Variants in ADAMTSL1 observed in about 807,000 individuals in gnomAD.
The protein encoded by ADAMTSL1 is ADAMTS like 1, also known as ADAMTS-like protein 1.
In ADAMTSL1, 126 loss-of-function variants were observed where a neutral mutation model predicts 201.8. The observed-to-expected ratio is 0.62, with a 90% CI of 0.54 to 0.72. The LOEUF (loss-of-function observed/expected upper bound fraction) is 0.72, where lower values mean the gene tolerates loss of function less well. ADAMTSL1 is among the 30% of genes least tolerant of loss of function. ADAMTSL1 has a pLI of 0.00. For synonymous variants in ADAMTSL1, 1,121 were observed against 903.4 expected, an observed-to-expected ratio of 1.24 and a Z score of -4.32; for missense variants, 2,679 against 2,277.8, an observed-to-expected ratio of 1.18 and a Z score of -3.59.
rs59150507 is a variant in ADAMTSL1, at chr9:18,876,301, CGT to C, written c.4250-11502_4250-11501del. 4.1e-3 allele frequency among the ~76,000 whole-genome samples: 568 copies of C among 139,580 alleles called. 3 individuals are homozygous for C. The highest frequency in any genetic ancestry group is 0.011 in the African/African-American group (405 of 36,572). 91.6% of individuals were successfully genotyped at this position (139,580 alleles called of 152,430 possible). On this transcript the variant is annotated intron_variant, in intron 23 of 28. Transcript: ENST00000380548. The stretch of plus-strand genomic sequence containing the variant: ...TATTGTGCTAGTTGTTGCCTGAATA[CGT>C]GTGTGTGTGTGTGTGTGTGTGTGTG...
intron 1 of ADAMTSL1, among the ~76,000 whole-genome samples, chr9:17,960,021 G>A (rs10963361): frequency 0.029 from 4,434 of 152,208 alleles, 83 homozygotes; most frequent in Non-Finnish European, 0.049. Context: ...TGACTTAAAC[G>A]TTATATAAAC....
Position 18,889,762 on chromosome 9 carries a change from A to T in ADAMTSL1, c.4643+14A>T. 6.8e-7 allele frequency: 1 copy of T among 1,460,420 alleles called. No individual in the cohort carries two copies. The highest frequency in any genetic ancestry group is 9.0e-7 in the Non-Finnish European group (1 of 1,108,212). 90.5% of individuals were successfully genotyped at this position (1,460,420 alleles called of 1,614,324 possible). ...CTGCCCTTCTCGGTGAGTGCAGCGG[A>T]CACTGGCTCAGACCTCCCCACCCTA... On this transcript the variant is annotated intron_variant, in intron 25 of 28. Transcript: ENST00000380548.
At chr9:18,726,560 C>A (rs904141762) in intron 15 of ADAMTSL1, among the ~76,000 whole-genome samples, 1 of 151,134 alleles carries the variant, frequency 6.6e-6, no homozygotes, top group Non-Finnish European at 1.5e-5. Flanking sequence ...TTTACAATAG[C>A]AATGACATGA....
intron 4 of ADAMTSL1, among the ~76,000 whole-genome samples, chr9:18,577,587 T>C (rs939552885): frequency 6.6e-6 from 1 of 152,184 alleles, no homozygotes; most frequent in Admixed American, 6.5e-5. Context: ...TTTTTCAATC[T>C]GTGGAAAATG....
intron 2 of ADAMTSL1, among the ~76,000 whole-genome samples, chr9:18,247,319 G>T (rs964391048): frequency 6.6e-6 from 1 of 152,086 alleles, no homozygotes; most frequent in East Asian, 1.9e-4. Context: ...AGATATAGTA[G>T]ATATCATAAT....
chr9:18,782,023 G>A (rs17232419), intron 19 of ADAMTSL1, among the ~76,000 whole-genome samples: 20,815 of 152,124 alleles, frequency 0.14, 1,559 homozygotes, highest in Middle Eastern at 0.25. Flanking sequence ...TCAAGCAGTC[G>A]TTTACAGGGT....
chr9:18,513,370 C>G (rs566765937), intron 2 of ADAMTSL1, among the ~76,000 whole-genome samples: 74 of 152,296 alleles, frequency 4.9e-4, no homozygotes, highest in African/African-American at 1.7e-3. Flanking sequence ...CTTGATTAGT[C>G]TAGATACCTT....
chr9:18,490,759 A>C (rs1348220925), intron 1 of ADAMTSL1, among the ~76,000 whole-genome samples: 1 of 152,172 alleles, frequency 6.6e-6, no homozygotes, highest in Non-Finnish European at 1.5e-5. Context: ...TTCCGCAGCA[A>C]GATGTGAGGG....
intron 1 of ADAMTSL1, among the ~76,000 whole-genome samples, chr9:18,163,131 A>C (rs1470295758): frequency 1.3e-5 from 2 of 152,018 alleles, no homozygotes; most frequent in African/African-American, 4.8e-5. Flanking sequence ...CAGTAGCCAA[A>C]TGATAAAATG....
At chr9:18,286,297 C>A (rs1447003530) in intron 2 of ADAMTSL1, among the ~76,000 whole-genome samples, 1 of 152,122 alleles carries the variant, frequency 6.6e-6, no homozygotes, top group Non-Finnish European at 1.5e-5. Flanking sequence ...AAAAGTAGTA[C>A]ATAAAATGTT....
At chr9:18,560,476 G>A (rs376815469) in intron 3 of ADAMTSL1, among the ~76,000 whole-genome samples, 39 of 152,090 alleles carry the variant, frequency 2.6e-4, no homozygotes, top group Admixed American at 4.6e-4. Context: ...TTTCTTTTTT[G>A]TTGTTGTTTA....
At chr9:18,672,310 A>G (rs933610043) in intron 9 of ADAMTSL1, among the ~76,000 whole-genome samples, 2 of 152,116 alleles carry the variant, frequency 1.3e-5, no homozygotes, top group Admixed American at 6.5e-5. Context: ...CATCCACTTC[A>G]TAGTTCCAAA....
intron 2 of ADAMTSL1, among the ~76,000 whole-genome samples, chr9:18,415,457 A>C (rs1818632975): frequency 6.6e-6 from 1 of 152,166 alleles, no homozygotes; most frequent in African/African-American, 2.4e-5. Context: ...TGCGGAAGAA[A>C]ATAATAGTCA....
intron 2 of ADAMTSL1, among the ~76,000 whole-genome samples, chr9:18,339,575 A>G (rs920386280): frequency 2.0e-5 from 3 of 152,196 alleles, no homozygotes; most frequent in African/African-American, 7.2e-5. Context: ...AAACAAAATT[A>G]CCATTTGTCA....
At chr9:18,527,792 C>G (rs1397815892) in intron 2 of ADAMTSL1, among the ~76,000 whole-genome samples, 2 of 152,086 alleles carry the variant, frequency 1.3e-5, no homozygotes, top group East Asian at 1.9e-4. Context: ...GGAATTAAAT[C>G]AAAATCTGAC....
At chr9:18,881,406 A>C (rs1334229909) in intron 23 of ADAMTSL1, among the ~76,000 whole-genome samples, 1 of 152,222 alleles carries the variant, frequency 6.6e-6, no homozygotes, top group Non-Finnish European at 1.5e-5. Flanking sequence ...GCCTAATTTT[A>C]ATATTGCTGC....
chr9:18,254,636 TACA>T (rs1563837750), intron 2 of ADAMTSL1, among the ~76,000 whole-genome samples: 2 of 151,598 alleles, frequency 1.3e-5, no homozygotes, highest in African/African-American at 4.8e-5. Context: ...GTGCTGGGAT[TACA>T]GGCGTGAGCC....
At chr9:18,525,445 A>C (rs1412123767) in intron 2 of ADAMTSL1, among the ~76,000 whole-genome samples, 2 of 152,104 alleles carry the variant, frequency 1.3e-5, no homozygotes, top group South Asian at 4.2e-4. Context: ...TATCTCTTTC[A>C]ATTCTGCTCT....
At chr9:17,937,988 C>T (rs1451788380) in intron 1 of ADAMTSL1, among the ~76,000 whole-genome samples, 2 of 152,074 alleles carry the variant, frequency 1.3e-5, no homozygotes, top group Admixed American at 1.3e-4. Flanking sequence ...CCAGTGATAT[C>T]CTGATGAGTT....
Sources: allele counts gnomAD v4.1 joint callset (sites outside exome capture counted in the v4.1 genomes callset), GRCh38; gene constraint gnomAD v4.1.1; transcripts MANE v1.5; gene names NCBI Gene and HGNC (gene_info 2026-07-23, HGNC 2026-07-21).